SSTR5: variants seen among roughly 807,000 people sequenced by gnomAD.
SSTR5 encodes somatostatin receptor 5.
Under a neutral mutation model 0.3 loss-of-function variants are expected in SSTR5, and 1 was observed. The ratio of observed to expected loss-of-function variants is 2.98; its 90% CI spans 1.06 to 14.15. The LOEUF (loss-of-function observed/expected upper bound fraction) is 14.15. Among genes scored for constraint, SSTR5 ranks in the 30% most tolerant of loss-of-function variants. The probability of loss-of-function intolerance (pLI) is 0.12; values close to 1 mark genes in which losing one functional copy is unlikely to be tolerated. For synonymous variants in SSTR5, 256 were observed against 263.1 expected, an observed-to-expected ratio of 0.97 and a Z score of 0.26; for missense variants, 516 against 543.2, an observed-to-expected ratio of 0.95 and a Z score of 0.50.
Position 1,081,066 on chromosome 16 carries a change from C to A in SSTR5, c.*1103C>A, listed in dbSNP as rs769675988. The stretch of plus-strand genomic sequence containing the variant: ...AAATGGCAGGCCCTGGGAATCCCGC[C>A]GCCTCCCACCTAGAATTGTCCTACC... On this transcript the variant is annotated 3_prime_UTR_variant, in exon 2 of 2. Coordinates refer to ENST00000689027, the MANE Select transcript of SSTR5 (RefSeq NM_001172560.3). 14 of 470,176 alleles carry A rather than the reference C, an allele frequency of 3.0e-5. No individual in the cohort carries two copies. The highest frequency in any genetic ancestry group is 2.2e-4 in the African/African-American group (11 of 50,046). The allele number at this position is 470,176 out of a possible 1,614,324, so 29.1% of individuals were successfully genotyped here.
At position 1,079,276 on chromosome 16, in the gene SSTR5, C is replaced by G. The variant is rs1960293428; in HGVS notation, c.408C>G (p.Asp136Glu). 1 of 1,611,932 alleles carries G rather than the reference C, an allele frequency of 6.2e-7. No individual in the cohort carries two copies. The highest frequency in any genetic ancestry group is 1.3e-5 in the African/African-American group (1 of 74,924). Residue 136 changes from aspartate (D) to glutamate (E), a missense_variant, in exon 2 of 2, where the codon GAC (aspartate) becomes GAG (glutamate). Transcript: ENST00000689027. ...TCTGCCTGACAGTCATGAGCGTGGACCGCTACCTGGCAGTGGTGCACCCGC... is the reference window on the plus strand; with the variant it reads ...TCTGCCTGACAGTCATGAGCGTGGAGCGCTACCTGGCAGTGGTGCACCCGC... ...SVFCLTVMSV[D>E]RYLAVVHPLS...
rs199907399 is a variant in SSTR5, at chr16:1,079,725, A to G, written c.857A>G (p.Tyr286Cys). 1.7e-5 allele frequency: 28 copies of G among 1,612,164 alleles called. No individual in the cohort carries two copies. In the East Asian group the frequency reaches 5.6e-4, roughly 32 times the overall value. The change falls in exon 2 of 2, where the codon TAC becomes TGC. Residue 286 changes from tyrosine (Y) to cysteine (C), a missense_variant. Coordinates refer to ENST00000689027, the MANE Select transcript of SSTR5 (RefSeq NM_001172560.3). Reference protein sequence around the residue: ...LPQEPASAGLYFFVVILSYAN... With the variant: ...LPQEPASAGLCFFVVILSYAN... ...CAGGAGCCCGCCTCCGCCGGCCTCT[A>G]CTTCTTCGTGGTCATCCTCTCCTAC...
At chr16:1,075,972 T>TCCCCCTCCTC (rs1287655078) in intron 1 of SSTR5, among the ~76,000 whole-genome samples, 11 of 546 alleles carry the variant, frequency 0.02, 3 homozygotes, top group East Asian at 0.062. Context: ...CCCCTCTCTC[T>TCCCCCTCCTC]CCCTCCCCCT....
rs1265698931 is a variant in SSTR5 at position 1,080,120 on chromosome 16, G to C, written c.*157G>C. The C allele has an allele frequency of 1.7e-5, 17 of 1,020,412 alleles. 1 individual carries two copies. The South Asian group carries it at 2.0e-4, about 12-fold the overall frequency. 63.2% of individuals were successfully genotyped at this position (1,020,412 alleles called of 1,614,324 possible). A position where few individuals can be genotyped will look rare whatever the true frequency, so the allele number is the denominator to read the frequency against. On this transcript the variant is annotated 3_prime_UTR_variant, in exon 2 of 2. Transcript: ENST00000689027. ...AGGCTGGGGTAGACACAGGGCAGTAGGTTCCCCACCGTGACCGACCATCCC... is the reference window on the plus strand; with the variant it reads ...AGGCTGGGGTAGACACAGGGCAGTACGTTCCCCACCGTGACCGACCATCCC...
rs1201672727 is a variant in SSTR5, at chr16:1,079,536, T to C, written c.668T>C (p.Leu223Pro). The C allele has an allele frequency of 3.1e-6, 5 of 1,612,006 alleles. No homozygotes were observed. Among genetic ancestry groups the C allele is most frequent in the African/African-American group, 2.7e-5 (2 of 74,892 alleles). The change falls in exon 2 of 2, where the codon CTC becomes CCC. Residue 223 changes from leucine (L) to proline (P), a missense_variant. Coordinates refer to ENST00000689027, the MANE Select transcript of SSTR5 (RefSeq NM_001172560.3). ...PLLVICLCYL[L>P]IVVKVRAAGV... ...CTGGTCATCTGCCTGTGCTACCTGCTCATCGTGGTGAAGGTGAGGGCGGCG... is the reference window on the plus strand; with the variant it reads ...CTGGTCATCTGCCTGTGCTACCTGCCCATCGTGGTGAAGGTGAGGGCGGCG...
chr16:1,079,176 C>T lies in SSTR5; in HGVS notation c.308C>T (p.Ser103Phe), dbSNP rs1201637702. 6.2e-7 allele frequency: 1 copy of T among 1,612,468 alleles called. No individual in the cohort carries two copies. Among genetic ancestry groups the T allele is most frequent in the African/African-American group, 1.3e-5 (1 of 74,938 alleles). ...LPFLATQNAA[S>F]FWPFGPVLCR... ...TTCCTGGCCACGCAGAACGCCGCGT[C>T]CTTCTGGCCCTTCGGCCCCGTCCTG... Residue 103 changes from serine to phenylalanine, a missense_variant, in exon 2 of 2, where the codon TCC (serine) becomes TTC (phenylalanine). By Grantham distance (155) the Ser-to-Phe change is radical. Transcript: ENST00000689027.
At position 1,079,486 on chromosome 16, in the gene SSTR5, C is replaced by T. The variant is rs764269115; in HGVS notation, c.618C>T (p.Ala206=). 1.2e-5 allele frequency: 20 copies of T among 1,611,334 alleles called. 1 individual carries two copies. The highest frequency in any genetic ancestry group is 1.2e-4 in the South Asian group (11 of 90,952). Residue 206 remains alanine (A), a synonymous_variant, in exon 2 of 2, where the codon GCC becomes GCT. Transcript: ENST00000689027. ...GCGCCGTCTTCATCATCTACACGGCCGTGCTGGGCTTCTTCGCGCCGCTGC... is the reference window on the plus strand; with the variant it reads ...GCGCCGTCTTCATCATCTACACGGCTGTGCTGGGCTTCTTCGCGCCGCTGC... ...LWGAVFIIYT[A]VLGFFAPLLV...
rs12599155 is a variant in SSTR5, at chr16:1,081,181, C to A, written c.*1218C>A. ...TGCTGGGGTCTCTGGGGCACCTTGGCCTTGCTCTGAGGCTGGAAGGAGAAG... is the reference window on the plus strand; with the variant it reads ...TGCTGGGGTCTCTGGGGCACCTTGGACTTGCTCTGAGGCTGGAAGGAGAAG... On this transcript the variant is annotated 3_prime_UTR_variant, in exon 2 of 2. Transcript: ENST00000689027. The A allele has an allele frequency of 2.1e-6, 1 of 466,820 alleles. No homozygotes were observed. The highest frequency in any genetic ancestry group is 1.6e-5 in the South Asian group (1 of 64,260). 28.9% of individuals were successfully genotyped at this position (466,820 alleles called of 1,614,324 possible).
At chr16:1,078,678 A>C in intron 1 of SSTR5, 164 bp from the exon 2 acceptor site, 1 of 697,306 alleles carries the variant, frequency 1.4e-6, no homozygotes, top group Admixed American at 2.8e-5. Flanking sequence ...TTTTCCAAAC[A>C]ATTTGCTTAA....
At chr16:1,076,679 T>G (rs550713) in intron 1 of SSTR5, among the ~76,000 whole-genome samples, 25,329 of 152,068 alleles carry the variant, frequency 0.17, 2,644 homozygotes, top group Non-Finnish European at 0.21. Flanking sequence ...CAATTCTCTC[T>G]TCAGTGCTGT....
At chr16:1,077,716 C>T (rs1308632677) in intron 1 of SSTR5, 1 of 152,292 alleles carries the variant, frequency 6.6e-6, no homozygotes, top group Admixed American at 6.5e-5. Flanking sequence ...TGAGCCACTG[C>T]ACCCAGCCGG....
chr16:1,073,630 T>A (rs1291081497), intron 1 of SSTR5: 4 of 152,314 alleles, frequency 2.6e-5, no homozygotes, highest in African/African-American at 4.8e-5. Flanking sequence ...GTGTGTGCCC[T>A]TGGCCCTCCT....
chr16:1,074,259 C>T (rs980191367), intron 1 of SSTR5, among the ~76,000 whole-genome samples: 5 of 152,212 alleles, frequency 3.3e-5, no homozygotes, highest in Non-Finnish European at 1.5e-5. Flanking sequence ...GACGTTTGCC[C>T]CTGCCCAGCA....
rs4988482 is a variant in SSTR5, at chr16:1,078,977, G to T, written c.109G>T (p.Gly37Trp). The T allele has an allele frequency of 6.3e-7, 1 of 1,589,988 alleles. No homozygotes were observed. The highest frequency in any genetic ancestry group is 8.5e-7 in the Non-Finnish European group (1 of 1,170,244). The change falls in exon 2 of 2, where the codon GGG becomes TGG. Residue 37 changes from glycine (G) to tryptophan (W), a missense_variant. By Grantham distance (184) the Gly-to-Trp change is radical (BLOSUM62 -2). Coordinates refer to ENST00000689027, the MANE Select transcript of SSTR5 (RefSeq NM_001172560.3). ...RTLVGPAPSAGARAVLVPVLY... is the reference protein window; with the variant it reads ...RTLVGPAPSAWARAVLVPVLY... ...GCTGGTGGGGCCGGCGCCCTCGGCA[G>T]GGGCCCGGGCGGTGCTGGTGCCCGT...
chr16:1,080,211 G>T lies in SSTR5; in HGVS notation c.*248G>T. The T allele has an allele frequency of 3.8e-6, 2 of 533,008 alleles. No individual in the cohort carries two copies. Among genetic ancestry groups the T allele is most frequent in the East Asian group, 3.2e-5 (1 of 31,410 alleles). The allele number at this position is 533,008 out of a possible 1,614,324, so 33.0% of individuals were successfully genotyped here. Reference sequence around the variant, plus strand: ...GGGGAGGTGGCCAGACCGGTGGGGGGCTCCGCCATGCCGTGCAAGTGCTCA... The same window carrying T: ...GGGGAGGTGGCCAGACCGGTGGGGGTCTCCGCCATGCCGTGCAAGTGCTCA... On this transcript the variant is annotated 3_prime_UTR_variant, in exon 2 of 2. Transcript: ENST00000689027.
At chr16:1,077,119 G>A (rs961075540) in intron 1 of SSTR5, among the ~76,000 whole-genome samples, 3 of 152,156 alleles carry the variant, frequency 2.0e-5, no homozygotes, top group African/African-American at 7.2e-5. Flanking sequence ...AGTGGCCTTG[G>A]CCCAGCCCCA....
Position 1,081,312 on chromosome 16 carries a change from G to A in SSTR5, c.*1349G>A, listed in dbSNP as rs962576506. The A allele has an allele frequency of 1.4e-5, 5 of 354,554 alleles. No individual in the cohort carries two copies. Among genetic ancestry groups the A allele is most frequent in the South Asian group, 1.1e-4 (5 of 45,730 alleles). 22.0% of individuals were successfully genotyped at this position (354,554 alleles called of 1,614,324 possible). On this transcript the variant is annotated 3_prime_UTR_variant, in exon 2 of 2. Transcript: ENST00000689027. ...GCCCAGAGCAGGACCTCAACCTCCT[G>A]GAGGGCACAGGGAGCGGCTGAGTGG...
At chr16:1,075,416 T>C (rs1330645893) in intron 1 of SSTR5, among the ~76,000 whole-genome samples, 2 of 152,144 alleles carry the variant, frequency 1.3e-5, no homozygotes, top group East Asian at 1.9e-4. Flanking sequence ...TGCAGTGAGC[T>C]GTGATCACAG....
At chr16:1,074,032 C>T (rs1960143459) in intron 1 of SSTR5, among the ~76,000 whole-genome samples, 1 of 152,226 alleles carries the variant, frequency 6.6e-6, no homozygotes, top group African/African-American at 2.4e-5. Flanking sequence ...TGCCCCTGGC[C>T]ACAGGCTGCC....
Sources: gnomAD v4.1 joint callset for allele counts (sites outside exome capture counted in the v4.1 genomes callset) on GRCh38, gnomAD v4.1.1 for gene constraint, MANE v1.5 for transcripts, NCBI Gene and HGNC (gene_info 2026-07-23, HGNC 2026-07-21) for gene names.